The following PTPRD variants were observed in gnomAD, a reference collection of about 807,000 sequenced individuals.
PTPRD encodes the protein receptor-type tyrosine-protein phosphatase delta.
Under a neutral mutation model 214.5 loss-of-function variants are expected in PTPRD, and 34 were observed. The ratio of observed to expected loss-of-function variants is 0.16; its 90% CI spans 0.12 to 0.21. The LOEUF is 0.21. Among genes scored for constraint, PTPRD ranks in the 10% least tolerant of loss-of-function variants. PTPRD has a pLI of 1.00. For missense variants in PTPRD, 2,545 were observed against 2,398.7 expected (o/e 1.06, Z -1.27); for synonymous variants, 1,128 against 845.7 (o/e 1.33, Z -5.79).
chr9:10,596,030 C>A (rs1429670753), intron 2 of PTPRD, among the ~76,000 whole-genome samples: 1 of 151,746 alleles, frequency 6.6e-6, no homozygotes, highest in Non-Finnish European at 1.5e-5. Context: ...TTCTTCTAAT[C>A]CACCAGTTAT....
Position 10,507,005 on chromosome 9 carries a change from C to A in PTPRD, c.-600+105393G>T, listed in dbSNP as rs1200037571. Among the ~76,000 whole-genome samples the A allele has an allele frequency of 2.0e-5, 3 of 152,026 alleles. 1 individual carries two copies. Among genetic ancestry groups the A allele is most frequent in the Non-Finnish European group, 4.4e-5 (3 of 68,004 alleles). On this transcript the variant is annotated intron_variant, in intron 2 of 45. Coordinates refer to ENST00000381196, the MANE Select transcript of PTPRD (RefSeq NM_002839.4). Reference sequence around the variant, plus strand: ...AATAGGAGTGGTGAGAGAGGGCATCCCTGTCTTGTGCCTGTTTTCAAAGGG... The same window carrying A: ...AATAGGAGTGGTGAGAGAGGGCATCACTGTCTTGTGCCTGTTTTCAAAGGG...
chr9:9,987,342 G>A (rs536344457), intron 4 of PTPRD, among the ~76,000 whole-genome samples: 21 of 152,258 alleles, frequency 1.4e-4, no homozygotes, highest in African/African-American at 5.1e-4. Flanking sequence ...CGGAGACTGG[G>A]CAATTTACAG....
chr9:9,387,687 T>G (rs908993787), intron 9 of PTPRD, among the ~76,000 whole-genome samples: 1 of 152,086 alleles, frequency 6.6e-6, no homozygotes, highest in African/African-American at 2.4e-5. Context: ...TTTGTCACAT[T>G]GAAACAGGAA....
At chr9:9,687,197 A>G (rs1378152161) in intron 7 of PTPRD, among the ~76,000 whole-genome samples, 1 of 151,846 alleles carries the variant, frequency 6.6e-6, no homozygotes, top group Non-Finnish European at 1.5e-5. Flanking sequence ...GTGAGTTCCT[A>G]GGAAACAGGG....
At chr9:9,792,175 A>C (rs536224476) in intron 5 of PTPRD, among the ~76,000 whole-genome samples, 1 of 152,284 alleles carries the variant, frequency 6.6e-6, no homozygotes, top group South Asian at 2.1e-4. Context: ...GTGTGGCAGC[A>C]AGATGACCAC....
At chr9:9,257,643 A>T (rs1324709425) in intron 9 of PTPRD, among the ~76,000 whole-genome samples, 2 of 151,874 alleles carry the variant, frequency 1.3e-5, no homozygotes, top group Non-Finnish European at 1.5e-5. Flanking sequence ...AATAAAAAAT[A>T]AAAAACGTAA....
intron 8 of PTPRD, among the ~76,000 whole-genome samples, chr9:9,404,087 A>G (rs999827374): frequency 5.9e-5 from 9 of 152,072 alleles, no homozygotes; most frequent in Non-Finnish European, 1.2e-4. Flanking sequence ...ACTAGAATCT[A>G]GTAAGCAGAA....
intron 31 of PTPRD, among the ~76,000 whole-genome samples, chr9:8,468,041 C>G (rs749763388): frequency 6.6e-6 from 1 of 151,930 alleles, no homozygotes; most frequent in African/African-American, 2.4e-5. Context: ...AGTTAATAGT[C>G]GCAATTCATC....
intron 4 of PTPRD, among the ~76,000 whole-genome samples, chr9:10,007,795 A>G (rs7857225): frequency 0.054 from 8,287 of 152,056 alleles, 802 homozygotes; most frequent in African/African-American, 0.19. Context: ...CAAAATCAGA[A>G]CTTGTTAGAA....
At chr9:10,025,130 C>T (rs2096899177) in intron 4 of PTPRD, among the ~76,000 whole-genome samples, 1 of 152,064 alleles carries the variant, frequency 6.6e-6, no homozygotes, top group African/African-American at 2.4e-5. Flanking sequence ...ATTTACAATC[C>T]TTTGGGTATA....
chr9:9,019,178 G>T (rs2099549454), intron 10 of PTPRD, among the ~76,000 whole-genome samples: 1 of 151,716 alleles, frequency 6.6e-6, no homozygotes, highest in African/African-American at 2.4e-5. Context: ...CATACAGAAA[G>T]CCCATTGAGT....
chr9:8,574,747 C>T (rs1038112930), intron 14 of PTPRD, among the ~76,000 whole-genome samples: 1 of 152,016 alleles, frequency 6.6e-6, no homozygotes. Flanking sequence ...CATTCCTCCC[C>T]CTGAGCTATT....
Position 10,509,557 on chromosome 9 carries a change from TTATATATATATATA to T in PTPRD, c.-600+102827_-600+102840del, listed in dbSNP as rs3076461. Among the ~76,000 whole-genome samples the T allele has an allele frequency of 1.9e-5, 2 of 106,690 alleles. 1 individual carries two copies. The highest frequency in any genetic ancestry group is 8.0e-5 in the African/African-American group (2 of 25,108). 70.0% of individuals were successfully genotyped at this position (106,690 alleles called of 152,430 possible). On this transcript the variant is annotated intron_variant, in intron 2 of 45. Coordinates refer to ENST00000381196, the MANE Select transcript of PTPRD (RefSeq NM_002839.4). ...TAAATATATTTACATTTAATAAATA[TTATATATATATATA>T]TATATATATTTTACTCACTTACTTA...
intron 4 of PTPRD, among the ~76,000 whole-genome samples, chr9:9,980,608 C>CAAAAAAAAAAAAAAAAAAAAAAAAAA (rs750547585): frequency 8.8e-5 from 1 of 11,428 alleles, no homozygotes; most frequent in African/African-American, 3.6e-4. Flanking sequence ...GACACCTTGT[C>CAAAAAAAAAAAAAAAAAAAAAAAAAA]AAAAAAAAAC....
chr9:10,188,018 T>C (rs554686315), intron 3 of PTPRD, among the ~76,000 whole-genome samples: 83 of 152,348 alleles, frequency 5.4e-4, no homozygotes, highest in African/African-American at 1.9e-3. Context: ...TGAGGTCCAA[T>C]GCATCTTTCT....
At chr9:10,263,677 T>C (rs956209941) in intron 3 of PTPRD, among the ~76,000 whole-genome samples, 2 of 152,064 alleles carry the variant, frequency 1.3e-5, no homozygotes, top group Non-Finnish European at 2.9e-5. Context: ...GACAATGCAA[T>C]AGACAAGCAA....
At chr9:9,972,814 T>A (rs887284385) in intron 4 of PTPRD, among the ~76,000 whole-genome samples, 1 of 152,144 alleles carries the variant, frequency 6.6e-6, no homozygotes, top group East Asian at 1.9e-4. Flanking sequence ...TCATATCTCC[T>A]ACTACTAACT....
At chr9:8,560,104 G>C (rs1420873597) in intron 14 of PTPRD, among the ~76,000 whole-genome samples, 2 of 152,086 alleles carry the variant, frequency 1.3e-5, no homozygotes, top group East Asian at 3.9e-4. Flanking sequence ...TCTTAGTGAG[G>C]AAAGAATTAT....
intron 8 of PTPRD, among the ~76,000 whole-genome samples, chr9:9,413,624 C>CA (rs1158048085): frequency 6.6e-6 from 1 of 152,104 alleles, no homozygotes; most frequent in Non-Finnish European, 1.5e-5. Context: ...TCTATGAGCC[C>CA]ATATCACCTA....
Sources: gnomAD v4.1 joint callset for allele counts (sites outside exome capture counted in the v4.1 genomes callset) on GRCh38, gnomAD v4.1.1 for gene constraint, MANE v1.5 for transcripts, NCBI Gene and HGNC (gene_info 2026-07-23, HGNC 2026-07-21) for gene names.